FAM91A1: variants seen among roughly 807,000 people sequenced by gnomAD.
FAM91A1 encodes family with sequence similarity 91 member A1, also known as protein FAM91A1.
Under a neutral mutation model 113.5 loss-of-function variants are expected in FAM91A1, and 41 were observed. The ratio of observed to expected loss-of-function variants is 0.36; its 90% confidence interval spans 0.28 to 0.47. The LOEUF (loss-of-function observed/expected upper bound fraction) is 0.47, where lower values mean the gene tolerates loss of function less well. FAM91A1 is among the 20% of genes least tolerant of loss of function. FAM91A1 has a pLI of 1.00. For synonymous variants in FAM91A1, 307 were observed against 347.9 expected, an observed-to-expected ratio of 0.88 and a Z score of 1.31; for missense variants, 696 against 1,001.2, an observed-to-expected ratio of 0.70 and a Z score of 4.11.
rs765086438 is a variant in FAM91A1 at position 123,806,189 on chromosome 8, A to G, written c.1992A>G (p.Gln664=). The G allele has an allele frequency of 3.1e-6, 5 of 1,613,430 alleles. No individual in the cohort carries two copies. Among genetic ancestry groups the G allele is most frequent in the Non-Finnish European group, 3.4e-6 (4 of 1,179,572 alleles). ...TCACCATGTTGAATGCTTCCAGCCA[A>G]CTTGCAGATAGAAAACTCAGTGATG... ...GYVTMLNASS[Q]LADRKLSDAS... Residue 664 remains glutamine (Q), a synonymous_variant, in exon 20 of 24, where the codon CAA becomes CAG. Coordinates refer to ENST00000334705, the MANE Select transcript of FAM91A1 (RefSeq NM_144963.4).
intron 1 of FAM91A1, among the ~76,000 whole-genome samples, chr8:123,773,677 A>G (rs762704355): frequency 1.1e-4 from 16 of 152,214 alleles, no homozygotes; most frequent in Non-Finnish European, 2.2e-4. Flanking sequence ...ATCTGTCCTT[A>G]GTTGCCATTC....
intron 8 of FAM91A1, among the ~76,000 whole-genome samples, chr8:123,783,459 A>G (rs918102877): frequency 1.2e-4 from 19 of 152,216 alleles, no homozygotes; most frequent in African/African-American, 4.6e-4. Context: ...CTAAATTAGA[A>G]AATGACATGA....
chr8:123,789,001 T>C (rs1044524884), intron 14 of FAM91A1, among the ~76,000 whole-genome samples: 1 of 152,224 alleles, frequency 6.6e-6, no homozygotes, highest in South Asian at 2.1e-4. Flanking sequence ...TATATGTCTC[T>C]ACTTATTAAA....
Position 123,777,322 on chromosome 8 carries a change from TGTAA to T in FAM91A1, c.367+4_367+7del. ...ATTGCCCAATTTTACTGCTGCTGAC[TGTAA>T]GTATTTAATTGTGCTGAAGAAGGTA... is the stretch of plus-strand genomic sequence containing the variant. On this transcript the variant is annotated splice_donor_variant and splice_donor_region_variant and intron_variant, in intron 4 of 23. Transcript: ENST00000334705. LOFTEE classifies it high-confidence loss of function. The T allele has an allele frequency of 6.2e-7, 1 of 1,611,764 alleles. No individual in the cohort carries two copies. Among genetic ancestry groups the T allele is most frequent in the Non-Finnish European group, 8.5e-7 (1 of 1,178,748 alleles).
intron 2 of FAM91A1, 71 bp from the exon 3 acceptor site, chr8:123,775,076 A>T: frequency 2.2e-6 from 3 of 1,388,546 alleles, no homozygotes; most frequent in African/African-American, 1.5e-5. Flanking sequence ...GTTGGTTTGT[A>T]AAGTGTTCAT....
chr8:123,770,101 C>T (rs770275748), intron 1 of FAM91A1, among the ~76,000 whole-genome samples: 34 of 151,118 alleles, frequency 2.2e-4, no homozygotes, highest in Non-Finnish European at 3.4e-4. Context: ...TACAGGTGCG[C>T]GCCACCACGC....
intron 7 of FAM91A1, 113 bp from the exon 8 acceptor site, chr8:123,780,367 G>C: frequency 1.2e-6 from 1 of 839,294 alleles, no homozygotes; most frequent in Non-Finnish European, 1.8e-6. Context: ...TTTTTCTTTC[G>C]TCACATAGCA....
intron 1 of FAM91A1, 105 bp from the exon 2 acceptor site, chr8:123,773,975 G>A (rs1814918972): frequency 2.5e-6 from 2 of 786,026 alleles, no homozygotes; most frequent in Admixed American, 2.7e-5. Flanking sequence ...AATTAGAGAT[G>A]CCAGGATAAA....
intron 1 of FAM91A1, 31 bp from the exon 2 acceptor site, chr8:123,774,049 T>A: frequency 6.4e-7 from 1 of 1,567,754 alleles, no homozygotes; most frequent in South Asian, 1.1e-5. Context: ...AGTTTGGAAG[T>A]TGTTTAAAAT....
intron 19 of FAM91A1, 139 bp from the exon 20 acceptor site, chr8:123,805,941 T>G: frequency 2.6e-6 from 2 of 760,872 alleles, no homozygotes; most frequent in Non-Finnish European, 3.7e-6. Flanking sequence ...GACAACTTTA[T>G]ATATTTCTTT....
chr8:123,771,104 C>T (rs1203823764), intron 1 of FAM91A1, among the ~76,000 whole-genome samples: 1 of 152,246 alleles, frequency 6.6e-6, no homozygotes, highest in Non-Finnish European at 1.5e-5. Context: ...TTTTGATTCT[C>T]ACTCTGATAC....
intron 22 of FAM91A1, among the ~76,000 whole-genome samples, chr8:123,809,880 TG>T (rs1815909188): frequency 6.6e-6 from 1 of 152,214 alleles, no homozygotes; most frequent in Admixed American, 6.5e-5. Context: ...GGTAGGTTGG[TG>T]TGTGTTTAAT....
At chr8:123,772,954 T>TGAG (rs937364738) in intron 1 of FAM91A1, among the ~76,000 whole-genome samples, 49 of 151,828 alleles carry the variant, frequency 3.2e-4, no homozygotes, top group Middle Eastern at 3.4e-3. Context: ...TCAAGTAGGC[T>TGAG]GAGGAGGAGG....
At chr8:123,800,605 T>C (rs1008801312) in intron 18 of FAM91A1, among the ~76,000 whole-genome samples, 1 of 152,180 alleles carries the variant, frequency 6.6e-6, no homozygotes, top group African/African-American at 2.4e-5. Context: ...CCACACTCAA[T>C]TTTAGAACAT....
At chr8:123,777,149 G>A (rs1306537075) in intron 3 of FAM91A1, 116 bp from the exon 4 acceptor site, 13 of 747,484 alleles carry the variant, frequency 1.7e-5, no homozygotes, top group African/African-American at 3.6e-5. Flanking sequence ...GCCAAACTAT[G>A]ATCTTACTGC....
intron 4 of FAM91A1, among the ~76,000 whole-genome samples, chr8:123,777,618 G>A (rs1041341060): frequency 6.6e-6 from 1 of 152,172 alleles, no homozygotes; most frequent in Non-Finnish European, 1.5e-5. Flanking sequence ...TATTGAATGT[G>A]GGAGGAAAAC....
At chr8:123,781,516 C>T (rs1966620) in intron 8 of FAM91A1, among the ~76,000 whole-genome samples, 31,578 of 141,838 alleles carry the variant, frequency 0.22, 3,790 homozygotes, top group East Asian at 0.32. Context: ...CTAGCTCTAT[C>T]GCCCAGGCTG....
intron 12 of FAM91A1, 36 bp downstream of exon 12, chr8:123,786,646 G>A (rs371007273): frequency 2.7e-6 from 4 of 1,489,396 alleles, no homozygotes; most frequent in East Asian, 2.3e-5. Flanking sequence ...GAGTCTGTCT[G>A]TAGGTACGGC....
chr8:123,778,562 T>A (rs1195721371), intron 5 of FAM91A1, 97 bp from the exon 6 acceptor site: 8 of 770,554 alleles, frequency 1.0e-5, no homozygotes, highest in Non-Finnish European at 1.7e-5. Flanking sequence ...AAGAAGATAT[T>A]TATTTAGTCC....
Sources: allele counts gnomAD v4.1 joint callset (sites outside exome capture counted in the v4.1 genomes callset), GRCh38; gene constraint gnomAD v4.1.1; transcripts MANE v1.5; gene names NCBI Gene and HGNC (gene_info 2026-07-23, HGNC 2026-07-21).